DCC: variants seen among roughly 807,000 people sequenced by gnomAD.
DCC encodes the protein netrin receptor DCC.
In DCC, 58 loss-of-function variants were observed where a neutral mutation model predicts 172.5. The observed-to-expected ratio is 0.34, with a 90% confidence interval of 0.27 to 0.42. DCC has a LOEUF of 0.42. Among genes scored for constraint, DCC ranks in the 10% least tolerant of loss-of-function variants. The pLI, the probability that DCC is intolerant of heterozygous loss-of-function variation, is 1.00. For synonymous variants in DCC, 709 were observed against 644.5 expected, an observed-to-expected ratio of 1.10 and a Z score of -1.52; for missense variants, 1,740 against 1,791.0, an observed-to-expected ratio of 0.97 and a Z score of 0.51.
intron 7 of DCC, among the ~76,000 whole-genome samples, chr18:53,136,167 G>T (rs2043737736): frequency 6.6e-6 from 1 of 150,522 alleles, no homozygotes; most frequent in Admixed American, 6.7e-5. Context: ...GTATTATATG[G>T]GTATATTCTT....
chr18:52,553,704 G>T (rs1429368083), intron 1 of DCC, among the ~76,000 whole-genome samples: 1 of 152,014 alleles, frequency 6.6e-6, no homozygotes, highest in African/African-American at 2.4e-5. Context: ...AGCTCAAAGG[G>T]GGTCTAGAGG....
rs562048776 is a variant in DCC at position 52,645,451 on chromosome 18, T to G, written c.92-106603T>G. On this transcript the variant is annotated intron_variant, in intron 1 of 28. Transcript: ENST00000442544. ...GGTACTGTAAAATCTTTTAGTTATC[T>G]CTCAAAAATGGCATGAGATAACTGG... 2.0e-5 allele frequency among the ~76,000 whole-genome samples: 3 copies of G among 152,314 alleles called. No homozygotes were observed. In the East Asian group the frequency reaches 5.8e-4, roughly 29 times the overall value.
intron 15 of DCC, among the ~76,000 whole-genome samples, chr18:53,381,365 A>G (rs2144981789): frequency 6.6e-6 from 1 of 152,152 alleles, no homozygotes. Context: ...AAAAATGAAG[A>G]CATGAATTTA....
chr18:52,597,487 G>A (rs1040702813), intron 1 of DCC, among the ~76,000 whole-genome samples: 17 of 150,626 alleles, frequency 1.1e-4, no homozygotes, highest in Non-Finnish European at 2.2e-4. Context: ...GAAAATATGC[G>A]ATCACACCAA....
intron 5 of DCC, among the ~76,000 whole-genome samples, chr18:52,931,389 G>A (rs189026907): frequency 4.5e-4 from 68 of 151,940 alleles, no homozygotes; most frequent in Non-Finnish European, 8.7e-4. Flanking sequence ...AGAAATCCAA[G>A]CTTCTGCTTA....
chr18:53,021,172 G>A (rs2041875889), intron 5 of DCC, among the ~76,000 whole-genome samples: 3 of 152,202 alleles, frequency 2.0e-5, no homozygotes, highest in African/African-American at 7.2e-5. Context: ...AGGGTATGGC[G>A]AAGACAGAGG....
chr18:53,171,516 T>C (rs1445417337), intron 8 of DCC, among the ~76,000 whole-genome samples: 1 of 152,208 alleles, frequency 6.6e-6, no homozygotes, highest in African/African-American at 2.4e-5. Flanking sequence ...TGAATATGTT[T>C]ATACATAAAT....
intron 24 of DCC, among the ~76,000 whole-genome samples, chr18:53,462,235 G>C (rs1156316277): frequency 3.3e-5 from 5 of 152,110 alleles, no homozygotes; most frequent in Admixed American, 3.3e-4. Context: ...TGGCCTGTTA[G>C]GAACTGGGCC....
At chr18:52,536,718 C>T (rs561089816) in intron 1 of DCC, among the ~76,000 whole-genome samples, 22 of 152,220 alleles carry the variant, frequency 1.4e-4, no homozygotes, top group South Asian at 2.1e-4. Context: ...TAGGACATGT[C>T]GCCCTTTTCT....
intron 1 of DCC, among the ~76,000 whole-genome samples, chr18:52,675,434 C>A (rs1386211990): frequency 6.6e-6 from 1 of 152,106 alleles, no homozygotes; most frequent in South Asian, 2.1e-4. Context: ...GGAAGCCCCC[C>A]ACACCAACTT....
At chr18:52,883,136 G>A (rs2039511666) in intron 2 of DCC, among the ~76,000 whole-genome samples, 1 of 151,772 alleles carries the variant, frequency 6.6e-6, no homozygotes, top group Non-Finnish European at 1.5e-5. Context: ...TTCAGTCCAT[G>A]TGCATCTTTA....
At chr18:53,464,979 C>CAAAAAAAAAAAAAAAAAAA (rs71179510) in intron 24 of DCC, among the ~76,000 whole-genome samples, 6 of 54,810 alleles carry the variant, frequency 1.1e-4, no homozygotes, top group East Asian at 5.4e-4. Context: ...AACTCAATCT[C>CAAAAAAAAAAAAAAAAAAA]AAAAAAAAAA....
chr18:53,429,955 T>C (rs1911503350), intron 21 of DCC, among the ~76,000 whole-genome samples: 1 of 152,144 alleles, frequency 6.6e-6, no homozygotes, highest in East Asian at 1.9e-4. Context: ...TGGTTTTTGA[T>C]GCCCGATGCC....
At chr18:52,643,438 T>C (rs1001126784) in intron 1 of DCC, among the ~76,000 whole-genome samples, 3 of 152,196 alleles carry the variant, frequency 2.0e-5, no homozygotes, top group African/African-American at 7.2e-5. Flanking sequence ...TTGATGGTAA[T>C]TGGCCATCCT....
intron 5 of DCC, among the ~76,000 whole-genome samples, chr18:53,057,768 G>C (rs1309190760): frequency 6.6e-6 from 1 of 152,072 alleles, no homozygotes; most frequent in Non-Finnish European, 1.5e-5. Flanking sequence ...CAACCAAAAA[G>C]CCTAAAGTAG....
In DCC at chr18:53,534,961, T is replaced by C. The variant is rs546429574; in HGVS notation, c.*4308T>C. On this transcript the variant is annotated 3_prime_UTR_variant, in exon 29 of 29. Coordinates refer to ENST00000442544, the MANE Select transcript of DCC (RefSeq NM_005215.4). ...ATTGTCATCCTATGATTGTTGTTGGTAGAAGAGCAAGAGCAAAACTCTGCA... is the reference window on the plus strand; with the variant it reads ...ATTGTCATCCTATGATTGTTGTTGGCAGAAGAGCAAGAGCAAAACTCTGCA... 6.6e-6 allele frequency: 1 copy of C among 152,262 alleles called. No individual in the cohort carries two copies. Among genetic ancestry groups the C allele is most frequent in the East Asian group, 1.9e-4 (1 of 5,176 alleles). The allele number at this position is 152,262 out of a possible 1,614,324, so 9.4% of individuals were successfully genotyped here. A position where few individuals can be genotyped will look rare whatever the true frequency, so the allele number is the denominator to read the frequency against.
At chr18:52,832,026 AG>A (rs1280386508) in intron 2 of DCC, among the ~76,000 whole-genome samples, 8 of 152,312 alleles carry the variant, frequency 5.3e-5, no homozygotes. Flanking sequence ...CTTCTACATC[AG>A]TAAAGATCTG....
At chr18:53,263,190 C>T (rs1004115074) in intron 12 of DCC, among the ~76,000 whole-genome samples, 6 of 152,196 alleles carry the variant, frequency 3.9e-5, no homozygotes, top group African/African-American at 1.2e-4. Flanking sequence ...CTTCCCCTGT[C>T]ATCTGAGCTG....
chr18:52,456,628 A>G (rs562047041), intron 1 of DCC, among the ~76,000 whole-genome samples: 1 of 152,300 alleles, frequency 6.6e-6, no homozygotes, highest in East Asian at 1.9e-4. Flanking sequence ...CATGATTTTA[A>G]ACTTATTGTT....
Sources: gnomAD v4.1 joint callset for allele counts (sites outside exome capture counted in the v4.1 genomes callset) on GRCh38, gnomAD v4.1.1 for gene constraint, MANE v1.5 for transcripts, NCBI Gene and HGNC (gene_info 2026-07-23, HGNC 2026-07-21) for gene names.